RNFT2: variants seen among roughly 807,000 people sequenced by gnomAD.
RNFT2 encodes ring finger protein, transmembrane 2.
RNFT2 carries 36 observed loss-of-function variants against 53.0 expected under a neutral mutation model. The ratio of observed to expected loss-of-function variants is 0.68; its 90% CI spans 0.52 to 0.90. The LOEUF (loss-of-function observed/expected upper bound fraction) is 0.90. Ranked by LOEUF, RNFT2 falls within the 40% of genes least tolerant of loss-of-function variation. The pLI, the probability that RNFT2 is intolerant of heterozygous loss-of-function variation, is 0.00. For missense variants in RNFT2, 514 were observed against 585.6 expected, an observed-to-expected ratio of 0.88 and a Z score of 1.26; for synonymous variants, 260 against 253.2, an observed-to-expected ratio of 1.03 and a Z score of -0.26.
chr12:116,779,355 A>G lies in RNFT2; in HGVS notation c.882+7A>G. 1 of 1,613,880 alleles carries G rather than the reference A, an allele frequency of 6.2e-7. No homozygotes were observed. The highest frequency in any genetic ancestry group is 8.5e-7 in the Non-Finnish European group (1 of 1,179,836). On this transcript the variant is annotated splice_region_variant and intron_variant, in intron 7 of 10. Transcript: ENST00000257575. ...CCTGGCTGTCAAGTCCAAGGTAGGC[A>G]CTGGCTGCGGCCACAAGGTAGCCCC...
chr12:116,772,929 A>G (rs1425625194), intron 6 of RNFT2, among the ~76,000 whole-genome samples: 1 of 152,156 alleles, frequency 6.6e-6, no homozygotes, highest in Non-Finnish European at 1.5e-5. Flanking sequence ...CCTGGGTTCA[A>G]GCAATTCTCC....
At chr12:116,778,679 G>A (rs1272872704) in intron 6 of RNFT2, among the ~76,000 whole-genome samples, 6 of 152,196 alleles carry the variant, frequency 3.9e-5, no homozygotes, top group Non-Finnish European at 7.3e-5. Context: ...GCGAAACCCT[G>A]TCTCTACTAA....
intron 8 of RNFT2, among the ~76,000 whole-genome samples, chr12:116,834,776 A>G (rs376022507): frequency 6.6e-6 from 1 of 151,636 alleles, no homozygotes; most frequent in Non-Finnish European, 1.5e-5. Flanking sequence ...TTTCTCACCT[A>G]TGAAGCTCAC....
At chr12:116,757,161 C>G (rs935797323) in intron 5 of RNFT2, among the ~76,000 whole-genome samples, 3 of 152,032 alleles carry the variant, frequency 2.0e-5, no homozygotes, top group Non-Finnish European at 4.4e-5. Flanking sequence ...TCAGTGGTGT[C>G]ACTTGAAATA....
chr12:116,831,426 C>T (rs150914845), intron 7 of RNFT2, among the ~76,000 whole-genome samples: 296 of 152,252 alleles, frequency 1.9e-3, no homozygotes, highest in Non-Finnish European at 3.1e-3. Context: ...TTCCTTTCTT[C>T]ACCATAAAGT....
chr12:116,796,401 A>G (rs1874508243), intron 7 of RNFT2, among the ~76,000 whole-genome samples: 1 of 152,222 alleles, frequency 6.6e-6, no homozygotes. Context: ...AAGCCCTTCC[A>G]TATCCTGAAT....
At chr12:116,748,104 C>A (rs185407185) in intron 3 of RNFT2, among the ~76,000 whole-genome samples, 5 of 151,954 alleles carry the variant, frequency 3.3e-5, no homozygotes, top group African/African-American at 1.2e-4. Flanking sequence ...GCAGGAGAAT[C>A]GCTTGAACCT....
Position 116,849,684 on chromosome 12 carries a change from A to T in RNFT2, c.*236A>T. On this transcript the variant is annotated 3_prime_UTR_variant, in exon 11 of 11. Transcript: ENST00000257575. ...GCAAAAGGGGACGTCTTCCTAACTC[A>T]GACTTGATGCCCTTCTAGATGCATC... 7.9e-7 allele frequency: 1 copy of T among 1,258,980 alleles called. No individual in the cohort carries two copies. The highest frequency in any genetic ancestry group is 3.3e-5 in the South Asian group (1 of 29,956). 78.0% of individuals were successfully genotyped at this position (1,258,980 alleles called of 1,614,324 possible).
At chr12:116,796,719 G>T (rs7314211) in intron 7 of RNFT2, among the ~76,000 whole-genome samples, 111,840 of 152,110 alleles carry the variant, frequency 0.74, 43,118 homozygotes, top group Non-Finnish European at 0.86. Flanking sequence ...CCCTCTCCCC[G>T]CCTTCCCTTC....
intron 5 of RNFT2, among the ~76,000 whole-genome samples, chr12:116,763,478 G>A (rs1032520402): frequency 6.6e-6 from 1 of 152,094 alleles, no homozygotes; most frequent in Non-Finnish European, 1.5e-5. Flanking sequence ...AGAACTAAAA[G>A]TAGAACTAGG....
At chr12:116,771,626 C>T (rs572311125) in intron 6 of RNFT2, among the ~76,000 whole-genome samples, 1 of 151,310 alleles carries the variant, frequency 6.6e-6, no homozygotes, top group African/African-American at 2.4e-5. Flanking sequence ...AAATGTCTAC[C>T]CCATCTGGGT....
intron 7 of RNFT2, among the ~76,000 whole-genome samples, chr12:116,803,088 C>T (rs923274087): frequency 1.1e-5 from 1 of 92,774 alleles, no homozygotes; most frequent in Non-Finnish European, 2.6e-5. Context: ...GAGCAAGACC[C>T]TGTCTTAAAA....
At chr12:116,759,459 G>A (rs1482779029) in intron 5 of RNFT2, among the ~76,000 whole-genome samples, 1 of 152,154 alleles carries the variant, frequency 6.6e-6, no homozygotes, top group African/African-American at 2.4e-5. Flanking sequence ...TACCAGGGAT[G>A]GTTTTCTGGT....
chr12:116,821,767 C>CTTT (rs1260523401), intron 7 of RNFT2, among the ~76,000 whole-genome samples: 14 of 141,754 alleles, frequency 9.9e-5, no homozygotes, highest in Non-Finnish European at 1.5e-4. Context: ...AGCTTTAGTC[C>CTTT]TTGAAGCTAT....
chr12:116,803,476 C>G (rs1874900199), intron 7 of RNFT2, among the ~76,000 whole-genome samples: 1 of 152,200 alleles, frequency 6.6e-6, no homozygotes, highest in African/African-American at 2.4e-5. Flanking sequence ...CTTCCTCTTT[C>G]CTTTTAGAGA....
intron 3 of RNFT2, among the ~76,000 whole-genome samples, chr12:116,743,588 A>G (rs531334915): frequency 2.8e-4 from 42 of 151,840 alleles, no homozygotes; most frequent in Non-Finnish European, 5.3e-4. Context: ...ATCTATTGAA[A>G]CCCAAGAGGG....
At chr12:116,816,847 C>T (rs1362133711) in intron 7 of RNFT2, among the ~76,000 whole-genome samples, 3 of 152,138 alleles carry the variant, frequency 2.0e-5, no homozygotes, top group Admixed American at 1.3e-4. Context: ...AACAAATACT[C>T]GTGTACCCAG....
In RNFT2 at chr12:116,812,647, G is replaced by A. The variant is rs11835760; in HGVS notation, c.883-21145G>A. 7.3e-3 allele frequency among the ~76,000 whole-genome samples: 1,100 copies of A among 151,632 alleles called. 16 individuals are homozygous for A. Among genetic ancestry groups the A allele is most frequent in the African/African-American group, 0.025 (1,042 of 41,276 alleles). On this transcript the variant is annotated intron_variant, in intron 7 of 10. Coordinates refer to ENST00000257575, the MANE Select transcript of RNFT2 (RefSeq NM_001382266.1). ...CCTCCTGGGTTTAAACGGTTCTCCT[G>A]CCTCAGCCTCCTGAGTAGCTGCGAT...
At chr12:116,751,111 T>G (rs1299992103) in intron 4 of RNFT2, among the ~76,000 whole-genome samples, 1 of 150,906 alleles carries the variant, frequency 6.6e-6, no homozygotes, top group Non-Finnish European at 1.5e-5. Flanking sequence ...AGTCGAAGTC[T>G]CACTATATTG....
Sources: allele counts gnomAD v4.1 joint callset (sites outside exome capture counted in the v4.1 genomes callset), GRCh38; gene constraint gnomAD v4.1.1; transcripts MANE v1.5; gene names NCBI Gene and HGNC (gene_info 2026-07-23, HGNC 2026-07-21).